QDPR: variants seen among roughly 807,000 people sequenced by gnomAD.
QDPR encodes quinoid dihydropteridine reductase.
QDPR carries 23 observed loss-of-function variants against 31.7 expected under a neutral mutation model. The observed-to-expected ratio is 0.73, with a 90% CI of 0.52 to 1.03. The LOEUF (loss-of-function observed/expected upper bound fraction) is 1.03, where lower values mean the gene tolerates loss of function less well. Among genes scored for constraint, QDPR ranks in the 50% least tolerant of loss-of-function variants. QDPR has a pLI of 0.00. For missense variants in QDPR, 324 were observed against 323.8 expected, an observed-to-expected ratio of 1.00 and a Z score of 0.00; for synonymous variants, 124 against 124.7, an observed-to-expected ratio of 0.99 and a Z score of 0.03.
chr4:17,492,597 C>T (rs769622123), intron 4 of QDPR: 5 of 537,990 alleles, frequency 9.3e-6, no homozygotes, highest in Non-Finnish European at 1.7e-5. Flanking sequence ...TTCACACAGG[C>T]CACCGGTGCA....
intron 4 of QDPR, among the ~76,000 whole-genome samples, chr4:17,494,813 C>CA (rs1156683409): frequency 1.3e-5 from 2 of 151,878 alleles, no homozygotes; most frequent in East Asian, 1.9e-4. Context: ...TTCCAGCCAC[C>CA]AAAAAAAATC....
chr4:17,503,099 C>T (rs1375679153), intron 3 of QDPR, among the ~76,000 whole-genome samples: 2 of 152,118 alleles, frequency 1.3e-5, no homozygotes, highest in Admixed American at 6.6e-5. Context: ...TTCCAGTTCA[C>T]GGGGAATACC....
In QDPR at chr4:17,486,912, A is replaced by G; in HGVS notation, c.*219T>C. 1 of 584,726 alleles carries G rather than the reference A, an allele frequency of 1.7e-6. No individual in the cohort carries two copies. Among genetic ancestry groups the G allele is most frequent in the South Asian group, 1.9e-5 (1 of 52,744 alleles). 36.2% of individuals were successfully genotyped at this position (584,726 alleles called of 1,614,324 possible). Reference sequence around the variant, plus strand: ...CTCCCTATGCAGTTAACACAGATCAACGGATGCTATTTGCAGGCCACCAGT... The same window carrying G: ...CTCCCTATGCAGTTAACACAGATCAGCGGATGCTATTTGCAGGCCACCAGT... On this transcript the variant is annotated 3_prime_UTR_variant, in exon 7 of 7. Coordinates refer to ENST00000281243, the MANE Select transcript of QDPR (RefSeq NM_000320.3).
At chr4:17,505,799 C>T (rs1410630047) in intron 2 of QDPR, among the ~76,000 whole-genome samples, 1 of 152,138 alleles carries the variant, frequency 6.6e-6, no homozygotes, top group East Asian at 1.9e-4. Context: ...GAATGTTATG[C>T]TGTTTGTTCA....
intron 4 of QDPR, among the ~76,000 whole-genome samples, chr4:17,496,854 T>C (rs1231517697): frequency 6.6e-6 from 1 of 152,122 alleles, no homozygotes; most frequent in Non-Finnish European, 1.5e-5. Context: ...CCTCCCAGGT[T>C]CAAGCGATTC....
At chr4:17,501,620 G>A (rs1718563946) in intron 4 of QDPR, 99 bp downstream of exon 4, 1 of 1,396,434 alleles carries the variant, frequency 7.2e-7, no homozygotes. Context: ...CAGCTTAGAG[G>A]GTAAAGGCTT....
chr4:17,491,471 G>C (rs2108987175), intron 5 of QDPR, among the ~76,000 whole-genome samples: 1 of 152,300 alleles, frequency 6.6e-6, no homozygotes, highest in Admixed American at 6.5e-5. Context: ...AGCTGCCTCT[G>C]CCTGGGACAG....
chr4:17,508,683 C>A, intron 2 of QDPR, among the ~76,000 whole-genome samples: 1 of 144,474 alleles, frequency 6.9e-6, no homozygotes, highest in Admixed American at 6.9e-5. Context: ...TACAAAATTA[C>A]CTAAACTTGT....
chr4:17,503,595 G>A (rs1718646275), intron 3 of QDPR, among the ~76,000 whole-genome samples: 1 of 152,066 alleles, frequency 6.6e-6, no homozygotes, highest in Non-Finnish European at 1.5e-5. Context: ...GAGCATATAA[G>A]GGTGTTCATT....
chr4:17,508,916 T>G (rs973379907), intron 2 of QDPR, among the ~76,000 whole-genome samples: 4 of 152,126 alleles, frequency 2.6e-5, no homozygotes, highest in Non-Finnish European at 4.4e-5. Context: ...CCGAGCACTT[T>G]GGGAGGCTAA....
At chr4:17,488,450 T>C (rs1718047591) in intron 6 of QDPR, among the ~76,000 whole-genome samples, 1 of 151,560 alleles carries the variant, frequency 6.6e-6, no homozygotes, top group Admixed American at 6.6e-5. Context: ...GAAAAAGAGA[T>C]AGAAAAAAAC....
intron 1 of QDPR, among the ~76,000 whole-genome samples, chr4:17,510,697 T>C (rs895060955): frequency 1.3e-5 from 2 of 152,162 alleles, no homozygotes; most frequent in Non-Finnish European, 2.9e-5. Flanking sequence ...CTTCACCCTC[T>C]AACACATGAC....
chr4:17,487,373 G>A (rs1718002481), intron 6 of QDPR, 137 bp from the exon 7 acceptor site: 3 of 710,852 alleles, frequency 4.2e-6, no homozygotes, highest in Non-Finnish European at 7.5e-6. Flanking sequence ...CTAAGGGCTG[G>A]GCGCCATGGC....
rs565774654 is a variant in QDPR, at chr4:17,507,926, A to G, written c.198+1345T>C. ...CTAGAGCATCTAAGATATTTATACC[A>G]GGATATCCATCAAACTGTTAATAGT... On this transcript the variant is annotated intron_variant, in intron 2 of 6. Transcript: ENST00000281243. Among the ~76,000 whole-genome samples the G allele has an allele frequency of 2.0e-5, 3 of 152,288 alleles. No homozygotes were observed. In the South Asian group the frequency reaches 6.2e-4, roughly 32 times the overall value.
intron 4 of QDPR, among the ~76,000 whole-genome samples, chr4:17,500,607 A>G (rs10008024): frequency 0.11 from 16,353 of 152,176 alleles, 1,786 homozygotes; most frequent in East Asian, 0.44. Flanking sequence ...CCATCTATAA[A>G]AAAAGAGGAT....
intron 3 of QDPR, 24 bp downstream of exon 3, chr4:17,504,347 AGAACAAAT>A: frequency 6.3e-7 from 1 of 1,576,908 alleles, no homozygotes; most frequent in Non-Finnish European, 8.7e-7. Context: ...AGAGCAGAGC[AGAACAAAT>A]GAGTGACTCA....
intron 3 of QDPR, among the ~76,000 whole-genome samples, 171 bp from the exon 4 acceptor site, chr4:17,502,030 C>T (rs570260581): frequency 2.6e-5 from 4 of 152,330 alleles, no homozygotes; most frequent in Middle Eastern, 3.4e-3. Flanking sequence ...GACACAGGTT[C>T]AAATCCAGGC....
rs1718683345 is a variant in QDPR at position 17,504,493 on chromosome 4, A to T, written c.199-18T>A. 1 of 1,588,924 alleles carries T rather than the reference A, an allele frequency of 6.3e-7. No homozygotes were observed. Among genetic ancestry groups the T allele is most frequent in the Non-Finnish European group, 8.6e-7 (1 of 1,156,996 alleles). ...GCAGTCACCTTCAACACAAGAACAA[A>T]AAAATGTATAAACTGTAAGGTAAGC... is the stretch of plus-strand genomic sequence containing the variant. On this transcript the variant is annotated intron_variant, in intron 2 of 6. Transcript: ENST00000281243.
intron 5 of QDPR, among the ~76,000 whole-genome samples, chr4:17,491,643 A>G (rs1718167897): frequency 6.6e-6 from 1 of 152,058 alleles, no homozygotes; most frequent in South Asian, 2.1e-4. Flanking sequence ...AAATGAAGGG[A>G]GAAAAGAAAG....
Sources: allele counts gnomAD v4.1 joint callset (sites outside exome capture counted in the v4.1 genomes callset), GRCh38; gene constraint gnomAD v4.1.1; transcripts MANE v1.5; gene names NCBI Gene and HGNC (gene_info 2026-07-23, HGNC 2026-07-21).